DCAF13: variants seen among roughly 807,000 people sequenced by gnomAD.
The protein encoded by DCAF13 is DDB1 and CUL4 associated factor 13.
DCAF13 carries 38 observed loss-of-function variants against 59.0 expected under a neutral mutation model. That is an observed-to-expected ratio of 0.64 (90% CI 0.50 to 0.84). The LOEUF is 0.84. DCAF13 is among the 40% of genes least tolerant of loss of function. The probability of loss-of-function intolerance (pLI) is 0.00; values close to 1 mark genes in which losing one functional copy is unlikely to be tolerated. For missense variants in DCAF13, 469 were observed against 558.4 expected, an observed-to-expected ratio of 0.84 and a Z score of 1.61; for synonymous variants, 173 against 175.0, an observed-to-expected ratio of 0.99 and a Z score of 0.09.
intron 1 of DCAF13, among the ~76,000 whole-genome samples, chr8:103,417,594 A>T (rs933925664): frequency 4.8e-5 from 7 of 147,148 alleles, no homozygotes; most frequent in African/African-American, 1.8e-4. Flanking sequence ...GTGAGCCGAG[A>T]TTGCGTCACT....
intron 8 of DCAF13, 111 bp from the exon 9 acceptor site, chr8:103,440,025 A>G: frequency 1.2e-6 from 1 of 839,478 alleles, no homozygotes; most frequent in Non-Finnish European, 1.7e-6. Context: ...TTGAGTTTTT[A>G]TTTTATACTC....
chr8:103,425,940 G>A, intron 3 of DCAF13, 116 bp from the exon 4 acceptor site: 1 of 720,800 alleles, frequency 1.4e-6, no homozygotes, highest in Non-Finnish European at 2.5e-6. Context: ...GTGTAATACT[G>A]GAATGATATG....
chr8:103,436,372 T>G (rs1425721014), intron 8 of DCAF13, among the ~76,000 whole-genome samples: 2 of 152,162 alleles, frequency 1.3e-5, no homozygotes, highest in East Asian at 3.8e-4. Context: ...CCGTTCTCCC[T>G]CTATTTCACT....
rs1371713259 is a variant in DCAF13, at chr8:103,426,102, G to A, written c.425G>A (p.Gly142Asp). 1.9e-6 allele frequency: 3 copies of A among 1,612,548 alleles called. No homozygotes were observed. The highest frequency in any genetic ancestry group is 2.7e-5 in the African/African-American group (2 of 74,860). The change falls in exon 4 of 11, where the codon GGC becomes GAC. Residue 142 changes from glycine to aspartate, a missense_variant. Physicochemically the swap from Gly to Asp is moderately conservative, Grantham distance 94. This residue lies in a region of DCAF13 where 355 missense variants were observed against 399.1 expected (regional missense o/e 0.89). Coordinates refer to ENST00000612750, the MANE Select transcript of DCAF13 (RefSeq NM_015420.7). ...AAGCAGTGGAAAATGGATGGGCCAG[G>A]CTATGGAGACGAGGAAGAGCCATTA... Reference protein sequence around the residue: ...TVKQWKMDGPGYGDEEEPLHT... With the variant: ...TVKQWKMDGPDYGDEEEPLHT...
At chr8:103,417,722 A>G (rs1162700036) in intron 1 of DCAF13, among the ~76,000 whole-genome samples, 1 of 152,162 alleles carries the variant, frequency 6.6e-6, no homozygotes, top group Non-Finnish European at 1.5e-5. Context: ...ATCTGCTCAA[A>G]AACTCTGTTA....
At chr8:103,419,977 C>G (rs1225393539) in intron 1 of DCAF13, among the ~76,000 whole-genome samples, 3 of 150,590 alleles carry the variant, frequency 2.0e-5, no homozygotes, top group East Asian at 1.9e-4. Context: ...CCACTGCACT[C>G]CAGCCTGGTG....
At chr8:103,419,665 T>G (rs1816695014) in intron 1 of DCAF13, among the ~76,000 whole-genome samples, 1 of 152,140 alleles carries the variant, frequency 6.6e-6, no homozygotes, top group African/African-American at 2.4e-5. Flanking sequence ...AAAAGTGTAT[T>G]GGAAGCCCTG....
chr8:103,431,376 T>C (rs963780421), intron 6 of DCAF13, among the ~76,000 whole-genome samples: 7 of 152,206 alleles, frequency 4.6e-5, no homozygotes, highest in African/African-American at 1.7e-4. Context: ...CTGGACATCA[T>C]TGAGATGCCA....
At chr8:103,418,308 C>G (rs949028317) in intron 1 of DCAF13, among the ~76,000 whole-genome samples, 2 of 151,772 alleles carry the variant, frequency 1.3e-5, no homozygotes, top group African/African-American at 4.8e-5. Context: ...CTCTTGAGCC[C>G]AGGAGTTCGA....
Position 103,441,596 on chromosome 8 carries a change from A to G in DCAF13, c.1228A>G (p.Met410Val). 1 of 1,611,526 alleles carries G rather than the reference A, an allele frequency of 6.2e-7. No individual in the cohort carries two copies. The highest frequency in any genetic ancestry group is 1.7e-5 in the Admixed American group (1 of 59,162). The change falls in exon 10 of 11, where the codon ATG becomes GTG. Residue 410 changes from methionine to valine, a missense_variant. Coordinates refer to ENST00000612750, the MANE Select transcript of DCAF13 (RefSeq NM_015420.7). ...IYSQIQEQRI[M>V]KEARRRKEVN... is the part of the protein sequence containing the mutation. ...TAGCCAGATTCAGGAACAGCGCATC[A>G]TGAAAGAAGCTCGTCGACGAAAGTA...
chr8:103,441,482 G>C lies in DCAF13; in HGVS notation c.1114G>C (p.Asp372His), dbSNP rs924457710. ...VLTSREKAAK[D>H]YNQKLKEKFQ... ...TACATCACGAGAAAAAGCAGCCAAG[G>C]ATTATAACCAGAAATTGAAGGAGAA... The change falls in exon 10 of 11, where the codon GAT (aspartate) becomes CAT (histidine). Residue 372 changes from aspartate (D) to histidine (H), a missense_variant. Physicochemically the swap from Asp to His is moderately conservative, Grantham distance 81 (BLOSUM62 -1). This residue lies in a region of DCAF13 where 30 missense variants were observed against 67.1 expected (regional missense o/e 0.45). Transcript: ENST00000612750. The C allele has an allele frequency of 1.8e-5, 28 of 1,595,932 alleles. No individual in the cohort carries two copies. The Admixed American group carries it at 3.7e-4, about 21-fold the overall frequency.
rs139907413 is a variant in DCAF13 at position 103,441,615 on chromosome 8, G to A, written c.1247G>A (p.Arg416Gln). ...EQRIMKEARRRKEVNRIKHSK... is the reference protein window; with the variant it reads ...EQRIMKEARRQKEVNRIKHSK... Reference sequence around the variant, plus strand: ...CGCATCATGAAAGAAGCTCGTCGACGAAAGTATGTTTTGAGGCATTTGACT... The same window carrying A: ...CGCATCATGAAAGAAGCTCGTCGACAAAAGTATGTTTTGAGGCATTTGACT... Residue 416 changes from arginine to glutamine, a missense_variant, in exon 10 of 11, where the codon CGA (arginine) becomes CAA (glutamine). By Grantham distance (43) the Arg-to-Gln change is conservative (BLOSUM62 1). Coordinates refer to ENST00000612750, the MANE Select transcript of DCAF13 (RefSeq NM_015420.7). The A allele has an allele frequency of 5.3e-5, 86 of 1,610,202 alleles. No individual in the cohort carries two copies. The highest frequency in any genetic ancestry group is 6.7e-5 in the Non-Finnish European group (79 of 1,179,136).
chr8:103,422,979 A>G (rs1421856343), intron 3 of DCAF13, among the ~76,000 whole-genome samples: 1 of 152,120 alleles, frequency 6.6e-6, no homozygotes, highest in African/African-American at 2.4e-5. Context: ...TGTTAGTGTT[A>G]AAAGATTCGG....
At chr8:103,441,712 T>A in intron 10 of DCAF13, 94 bp downstream of exon 10, 1 of 1,164,560 alleles carries the variant, frequency 8.6e-7, no homozygotes, top group Non-Finnish European at 1.2e-6. Context: ...GGGAGTAGTT[T>A]ATGTGCTATT....
Position 103,435,626 on chromosome 8 carries a change from C to A in DCAF13, c.786C>A (p.Asn262Lys). 6.5e-7 allele frequency: 1 copy of A among 1,544,900 alleles called. No homozygotes were observed. The highest frequency in any genetic ancestry group is 8.7e-7 in the Non-Finnish European group (1 of 1,144,938). Residue 262 changes from asparagine (N) to lysine (K), a missense_variant and splice_region_variant, in exon 8 of 11, where the codon AAC (asparagine) becomes AAA (lysine). Asn to Lys is a moderately conservative substitution (Grantham distance 94). Transcript: ENST00000612750. ...FIFTAANEDYNLYTFDMRALD... is the reference protein window; with the variant it reads ...FIFTAANEDYKLYTFDMRALD... ...CAAATATTTAAAAATTCTTTTACAGCTTATATACTTTTGATATGCGTGCAC... is the reference window on the plus strand; with the variant it reads ...CAAATATTTAAAAATTCTTTTACAGATTATATACTTTTGATATGCGTGCAC...
chr8:103,431,404 T>G (rs1340862147), intron 6 of DCAF13, among the ~76,000 whole-genome samples: 1 of 152,216 alleles, frequency 6.6e-6, no homozygotes, highest in Non-Finnish European at 1.5e-5. Context: ...GTTGTCGTAG[T>G]CCACATACAA....
chr8:103,426,337 T>G (rs981469981), intron 4 of DCAF13, among the ~76,000 whole-genome samples, 192 bp downstream of exon 4: 3 of 149,906 alleles, frequency 2.0e-5, no homozygotes, highest in African/African-American at 4.9e-5. Context: ...TTTTAACAGT[T>G]TTTTTTTTTT....
chr8:103,429,552 G>A (rs2130487033), intron 5 of DCAF13: 1 of 152,296 alleles, frequency 6.6e-6, no homozygotes, highest in South Asian at 2.1e-4. Flanking sequence ...TCCACTGGAT[G>A]ATAGAGGGCT....
chr8:103,415,633 A>G, intron 1 of DCAF13, 117 bp downstream of exon 1: 1 of 1,027,170 alleles, frequency 9.7e-7, no homozygotes, highest in Non-Finnish European at 1.4e-6. Flanking sequence ...TTTCTCAGTT[A>G]CCTTTCGCTA....
Sources: gnomAD v4.1 joint callset for allele counts (sites outside exome capture counted in the v4.1 genomes callset) on GRCh38, gnomAD v4.1.1 for gene constraint, gnomAD v4.1.1 regional missense constraint, MANE v1.5 for transcripts, NCBI Gene and HGNC (gene_info 2026-07-23, HGNC 2026-07-21) for gene names.